Variants in ATP1A2 observed in about 807,000 individuals in gnomAD.
The protein encoded by ATP1A2 is ATPase Na+/K+ transporting subunit alpha 2.
ATP1A2 carries 56 observed loss-of-function variants against 113.1 expected under a neutral mutation model. The ratio of observed to expected loss-of-function variants is 0.49; its 90% CI spans 0.40 to 0.62. The LOEUF (loss-of-function observed/expected upper bound fraction) is 0.62. Ranked by LOEUF, ATP1A2 falls within the 20% of genes least tolerant of loss-of-function variation. The pLI, the probability that ATP1A2 is intolerant of heterozygous loss-of-function variation, is 0.00. For synonymous variants in ATP1A2, 490 were observed against 526.8 expected, an observed-to-expected ratio of 0.93 and a Z score of 0.96; for missense variants, 712 against 1,357.8, an observed-to-expected ratio of 0.52 and a Z score of 7.47.
chr1:160,119,827 TAAAA>T (rs5778150), intron 1 of ATP1A2, among the ~76,000 whole-genome samples: 3 of 134,604 alleles, frequency 2.2e-5, no homozygotes, highest in Non-Finnish European at 3.2e-5. Flanking sequence ...ACCTTATATC[TAAAA>T]AAAAAAAAAA....
intron 3 of ATP1A2, 51 bp downstream of exon 3, chr1:160,121,302 C>A (rs1236251389): frequency 1.3e-6 from 2 of 1,596,842 alleles, no homozygotes; most frequent in South Asian, 1.1e-5. Flanking sequence ...GAAAACCATG[C>A]AGCATCAAGG....
intron 22 of ATP1A2, among the ~76,000 whole-genome samples, chr1:160,140,408 T>G (rs75713234): frequency 0.13 from 19,829 of 151,808 alleles, 1,375 homozygotes; most frequent in Non-Finnish European, 0.14. Flanking sequence ...CAAGTTATTG[T>G]TTTTCCTACA....
rs1418054654 is a variant in ATP1A2 at position 160,135,528 on chromosome 1, A to G, written c.2210A>G (p.Asp737Gly). The G allele has an allele frequency of 2.5e-6, 4 of 1,614,018 alleles. No homozygotes were observed. In the East Asian group the frequency reaches 6.7e-5, roughly 27 times the overall value. The change falls in exon 16 of 23, where the codon GAC becomes GGC. Residue 737 changes from aspartate to glycine, a missense_variant. This residue lies in a region of ATP1A2 where 188 missense variants were observed against 438.9 expected (regional missense o/e 0.43). Coordinates refer to ENST00000361216, the MANE Select transcript of ATP1A2 (RefSeq NM_000702.4). The surrounding 1 kb of genome is among the most constrained non-coding windows in gnomAD (Gnocchi z 6.3). ...IGIAMGISGS[D>G]VSKQAADMIL... ...ATTGCCATGGGCATCTCTGGCTCTG[A>G]CGTCTCTAAGCAGGCAGCCGACATG... is the stretch of plus-strand genomic sequence containing the variant.
At chr1:160,119,914 T>G (rs1272513651) in intron 1 of ATP1A2, among the ~76,000 whole-genome samples, 2 of 151,432 alleles carry the variant, frequency 1.3e-5, no homozygotes, top group Non-Finnish European at 2.9e-5. Flanking sequence ...CCCAGCTACT[T>G]GAGAGGCTGA....
intron 8 of ATP1A2, among the ~76,000 whole-genome samples, 160 bp downstream of exon 8, chr1:160,127,980 T>A (rs988568438): frequency 6.6e-6 from 1 of 152,220 alleles, no homozygotes; most frequent in Non-Finnish European, 1.5e-5. Flanking sequence ...GCTTAGGGTA[T>A]GAGTTGAGAA....
Position 160,130,304 on chromosome 1 carries a change from A to G in ATP1A2, c.1651+13A>G, listed in dbSNP as rs1651732203. ...GAGCGTGTGCTGGGTGAGAGGCCAG[A>G]AACAGGAGGCTCAGAAGGGGATTCC... On this transcript the variant is annotated intron_variant, in intron 12 of 22. Transcript: ENST00000361216. 6.2e-7 allele frequency: 1 copy of G among 1,614,122 alleles called. No individual in the cohort carries two copies. The highest frequency in any genetic ancestry group is 8.5e-7 in the Non-Finnish European group (1 of 1,180,010).
intron 22 of ATP1A2, 126 bp from the exon 23 acceptor site, chr1:160,141,168 T>A: frequency 8.6e-7 from 1 of 1,157,608 alleles, no homozygotes; most frequent in Non-Finnish European, 1.3e-6. Flanking sequence ...CCTAAGCCAC[T>A]TCCCCCAGTG....
At chr1:160,136,131 C>T (rs191786212) in intron 17 of ATP1A2, 116 bp from the exon 18 acceptor site, 3 of 1,599,516 alleles carry the variant, frequency 1.9e-6, no homozygotes, top group African/African-American at 2.7e-5. Flanking sequence ...ACAATGGGGT[C>T]TGAATACACG....
In ATP1A2 at chr1:160,130,402, TC is replaced by T. The variant is rs1167534905; in HGVS notation, c.1652-17del. 1 of 1,614,180 alleles carries T rather than the reference TC, an allele frequency of 6.2e-7. No homozygotes were observed. Among genetic ancestry groups the T allele is most frequent in the Non-Finnish European group, 8.5e-7 (1 of 1,180,026 alleles). ...GAAGCCACTCTGCGGATCTCACTGA[TC>T]CCTTCTGCCCCCCTTTAGGATTCTG... On this transcript the variant is annotated intron_variant, in intron 12 of 22. Coordinates refer to ENST00000361216, the MANE Select transcript of ATP1A2 (RefSeq NM_000702.4).
At chr1:160,117,223 A>G (rs1651215252) in intron 1 of ATP1A2, among the ~76,000 whole-genome samples, 1 of 152,156 alleles carries the variant, frequency 6.6e-6, no homozygotes. Context: ...CTTCAGCTGC[A>G]TCTTGACATC....
chr1:160,131,386 G>A lies in ATP1A2; in HGVS notation c.1827+789G>A, dbSNP rs1381720537. On this transcript the variant is annotated intron_variant, in intron 13 of 22. Transcript: ENST00000361216. The stretch of plus-strand genomic sequence containing the variant: ...GTAACATGCCAAGGCCACACAGCTA[G>A]TGTAAGTCATAGAGCAGGTACTTGA... 3.3e-5 allele frequency among the ~76,000 whole-genome samples: 5 copies of A among 152,208 alleles called. No homozygotes were observed. The South Asian group carries it at 1.0e-3, about 32-fold the overall frequency.
At position 160,136,388 on chromosome 1, in the gene ATP1A2, C is replaced by T. The variant is rs1463957775; in HGVS notation, c.2563+18C>T. 9.3e-6 allele frequency: 15 copies of T among 1,613,752 alleles called. No homozygotes were observed. The highest frequency in any genetic ancestry group is 2.2e-5 in the East Asian group (1 of 44,872). On this transcript the variant is annotated intron_variant, in intron 18 of 22. Coordinates refer to ENST00000361216, the MANE Select transcript of ATP1A2 (RefSeq NM_000702.4). ...ACAGATCGGTGCGCCAAGCCCCGGG[C>T]CTCGGGAGGGAACCCCAACAGGGTT...
chr1:160,128,500 A>G lies in ATP1A2; in HGVS notation c.1018-152A>G, dbSNP rs1002976359. The G allele has an allele frequency of 1.9e-6, 3 of 1,540,278 alleles. No homozygotes were observed. The African/African-American group carries it at 4.1e-5, about 21-fold the overall frequency. On this transcript the variant is annotated intron_variant, in intron 8 of 22. Transcript: ENST00000361216. ...ATACTCATGATCTCAACACATCTAAAATTGAACATTCATTATTTACAGCTA... is the reference window on the plus strand; with the variant it reads ...ATACTCATGATCTCAACACATCTAAGATTGAACATTCATTATTTACAGCTA...
At chr1:160,122,016 C>G (rs1236053404) in intron 3 of ATP1A2, among the ~76,000 whole-genome samples, 1 of 152,096 alleles carries the variant, frequency 6.6e-6, no homozygotes, top group Admixed American at 6.6e-5. Flanking sequence ...CCTGTAATCC[C>G]ACCTACTCGA....
At position 160,123,277 on chromosome 1, in the gene ATP1A2, C is replaced by T; in HGVS notation, c.242C>T (p.Pro81Leu). ...GATGGGCCCAACGCCCTCACACCAC[C>T]TCCCACAACCCCTGAGTGGGTCAAG... ...ARDGPNALTPPPTTPEWVKFC... is the reference protein window; with the variant it reads ...ARDGPNALTPLPTTPEWVKFC... Residue 81 changes from proline to leucine, a missense_variant, in exon 4 of 23, where the codon CCT becomes CTT. By Grantham distance (98) the Pro-to-Leu change is moderately conservative. Coordinates refer to ENST00000361216, the MANE Select transcript of ATP1A2 (RefSeq NM_000702.4). The T allele has an allele frequency of 6.2e-7, 1 of 1,614,242 alleles. No homozygotes were observed. Among genetic ancestry groups the T allele is most frequent in the Non-Finnish European group, 8.5e-7 (1 of 1,180,052 alleles).
In ATP1A2 at chr1:160,128,780, C is replaced by T. The variant is rs763041955; in HGVS notation, c.1146C>T (p.Asn382=). ...ACAAGACGGGCACCCTCACCCAGAA[C>T]CGCATGACCGTCGCCCACATGTGGT... is the stretch of plus-strand genomic sequence containing the variant. ...CSDKTGTLTQ[N]RMTVAHMWFD... Residue 382 remains asparagine, a synonymous_variant, in exon 9 of 23, where the codon AAC becomes AAT. Transcript: ENST00000361216. 4.8e-5 allele frequency: 78 copies of T among 1,614,080 alleles called. No homozygotes were observed. Among genetic ancestry groups the T allele is most frequent in the Non-Finnish European group, 6.4e-5 (75 of 1,180,044 alleles).
At chr1:160,118,658 T>C (rs1185271821) in intron 1 of ATP1A2, among the ~76,000 whole-genome samples, 1 of 152,122 alleles carries the variant, frequency 6.6e-6, no homozygotes, top group Non-Finnish European at 1.5e-5. Flanking sequence ...ATTTTACTGG[T>C]CACCTTTTCT....
Position 160,127,536 on chromosome 1 carries a change from C to T in ATP1A2, c.749-16C>T, listed in dbSNP as rs201643946. On this transcript the variant is annotated splice_polypyrimidine_tract_variant and intron_variant, in intron 7 of 22. Coordinates refer to ENST00000361216, the MANE Select transcript of ATP1A2 (RefSeq NM_000702.4). Reference sequence around the variant, plus strand: ...GAGCCACAAGGCACCCAACCTGATGCCCCACCATGTTGCAGGCACTGCCAG... The same window carrying T: ...GAGCCACAAGGCACCCAACCTGATGTCCCACCATGTTGCAGGCACTGCCAG... The T allele has an allele frequency of 6.2e-7, 1 of 1,613,894 alleles. No homozygotes were observed.
chr1:160,128,554 G>C, intron 8 of ATP1A2, 98 bp from the exon 9 acceptor site: 1 of 1,583,960 alleles, frequency 6.3e-7, no homozygotes, highest in Non-Finnish European at 8.6e-7. Context: ...TAGTGGAGTA[G>C]AATCAGGGGA....
Sources: gnomAD v4.1 joint callset for allele counts (sites outside exome capture counted in the v4.1 genomes callset) on GRCh38, gnomAD v4.1.1 for gene constraint, gnomAD v4.1.1 regional missense constraint, Gnocchi (gnomAD v3.1) non-coding constraint, MANE v1.5 for transcripts, NCBI Gene and HGNC (gene_info 2026-07-23, HGNC 2026-07-21) for gene names.